Variants in HPSE2 observed in about 807,000 individuals in gnomAD.
The protein encoded by HPSE2 is inactive heparanase-2.
Under a neutral mutation model 60.5 loss-of-function variants are expected in HPSE2, and 38 were observed. The observed-to-expected ratio is 0.63, with a 90% CI of 0.48 to 0.82. The LOEUF is 0.82. Among genes scored for constraint, HPSE2 ranks in the 40% least tolerant of loss-of-function variants. The probability of loss-of-function intolerance (pLI) is 0.00; values close to 1 mark genes in which losing one functional copy is unlikely to be tolerated. For synonymous variants in HPSE2, 295 were observed against 293.2 expected, an observed-to-expected ratio of 1.01 and a Z score of -0.06; for missense variants, 713 against 740.4, an observed-to-expected ratio of 0.96 and a Z score of 0.43.
intron 3 of HPSE2, among the ~76,000 whole-genome samples, chr10:98,860,275 T>G (rs565755903): frequency 2.5e-4 from 38 of 152,358 alleles, no homozygotes; most frequent in Middle Eastern, 3.4e-3. Flanking sequence ...GTGGTTGTGC[T>G]GTGGTGTTAA....
chr10:98,737,127 A>G (rs2134304766), intron 4 of HPSE2, among the ~76,000 whole-genome samples: 1 of 152,192 alleles, frequency 6.6e-6, no homozygotes, highest in East Asian at 1.9e-4. Context: ...TTCTGAAAAT[A>G]CAGTTTTCTA....
At chr10:99,031,893 T>C (rs1192888950) in intron 3 of HPSE2, among the ~76,000 whole-genome samples, 2 of 152,142 alleles carry the variant, frequency 1.3e-5, no homozygotes, top group African/African-American at 4.8e-5. Context: ...ATATAGAAAA[T>C]ACCAGCCAAG....
At chr10:98,582,919 C>A (rs983013499) in intron 9 of HPSE2, among the ~76,000 whole-genome samples, 8 of 152,062 alleles carry the variant, frequency 5.3e-5, no homozygotes, top group African/African-American at 1.9e-4. Flanking sequence ...CCCCTGCCAC[C>A]CCCAACCGTT....
chr10:98,898,239 CTGA>C (rs1412883439), intron 3 of HPSE2, among the ~76,000 whole-genome samples: 7 of 152,140 alleles, frequency 4.6e-5, no homozygotes, highest in African/African-American at 1.7e-4. Context: ...ATTCACCCAA[CTGA>C]TTTGAATGTT....
At chr10:99,305,961 A>AAG in the HPSE2 span, among the ~76,000 whole-genome samples, 1 of 103,062 alleles carries the variant, frequency 9.7e-6, no homozygotes, top group Non-Finnish European at 1.9e-5. Context: ...ACTCACACAC[A>AAG]CGCGCGCGCG....
chr10:98,503,220 G>GAA (rs1564923801), intron 9 of HPSE2, among the ~76,000 whole-genome samples: 1 of 143,574 alleles, frequency 7.0e-6, no homozygotes, highest in East Asian at 2.0e-4. Context: ...CAGAAAAAAA[G>GAA]AAAAAGAAAA....
At chr10:99,235,382 A>C in intron 1 of HPSE2, 131 bp downstream of exon 1, 1 of 864,380 alleles carries the variant, frequency 1.2e-6, no homozygotes. Flanking sequence ...GGAGAAGGAA[A>C]ACCTCTTTTC....
intron 3 of HPSE2, among the ~76,000 whole-genome samples, chr10:98,883,362 C>T (rs1402258503): frequency 6.6e-6 from 1 of 152,088 alleles, no homozygotes; most frequent in African/African-American, 2.4e-5. Flanking sequence ...ACCTAAAATT[C>T]TTTCAGCCAA....
intron 4 of HPSE2, among the ~76,000 whole-genome samples, chr10:98,732,487 T>C (rs1949251746): frequency 6.6e-6 from 1 of 152,062 alleles, no homozygotes; most frequent in South Asian, 2.1e-4. Flanking sequence ...CTATGTATGG[T>C]CAATTGATTT....
chr10:98,870,811 A>G (rs1952711106), intron 3 of HPSE2, among the ~76,000 whole-genome samples: 1 of 152,014 alleles, frequency 6.6e-6, no homozygotes. Context: ...TGGAGCTAGG[A>G]CTTGGTAGGA....
At chr10:98,897,561 C>A (rs898081958) in intron 3 of HPSE2, among the ~76,000 whole-genome samples, 1 of 151,760 alleles carries the variant, frequency 6.6e-6, no homozygotes, top group African/African-American at 2.4e-5. Context: ...CAAATAAAGT[C>A]AACTGATCTT....
chr10:98,635,868 C>G (rs913332116), intron 7 of HPSE2, among the ~76,000 whole-genome samples: 2 of 151,084 alleles, frequency 1.3e-5, no homozygotes, highest in Non-Finnish European at 2.9e-5. Flanking sequence ...GGGATCTTGT[C>G]ATTTGAGGCA....
At chr10:99,247,793 G>A in the HPSE2 span, among the ~76,000 whole-genome samples, 1 of 152,182 alleles carries the variant, frequency 6.6e-6, no homozygotes, top group Non-Finnish European at 1.5e-5. Flanking sequence ...ATTGGACCAT[G>A]GGGGTGGATT....
intron 9 of HPSE2, among the ~76,000 whole-genome samples, chr10:98,507,245 G>A (rs1942232493): frequency 6.6e-6 from 1 of 152,072 alleles, no homozygotes; most frequent in East Asian, 1.9e-4. Context: ...GTGGAGTGGT[G>A]GATTCACAGG....
intron 2 of HPSE2, among the ~76,000 whole-genome samples, chr10:99,194,309 A>C (rs1848320387): frequency 6.6e-6 from 1 of 151,958 alleles, no homozygotes; most frequent in Admixed American, 6.6e-5. Flanking sequence ...ATAAATACCT[A>C]CATCAAAAAA....
At chr10:98,944,931 C>T (rs12264226) in intron 3 of HPSE2, among the ~76,000 whole-genome samples, 11,015 of 152,084 alleles carry the variant, frequency 0.072, 704 homozygotes, top group African/African-American at 0.16. Flanking sequence ...ACCGGGGAAA[C>T]CATTATGCCT....
chr10:98,520,831 C>T (rs2133772312), intron 9 of HPSE2, among the ~76,000 whole-genome samples: 2 of 152,228 alleles, frequency 1.3e-5, no homozygotes, highest in African/African-American at 4.8e-5. Context: ...TCAGAAATAA[C>T]ACCACACATC....
At chr10:99,179,231 ACCATT>A (rs998795706) in intron 2 of HPSE2, among the ~76,000 whole-genome samples, 54 of 152,348 alleles carry the variant, frequency 3.5e-4, no homozygotes, top group African/African-American at 1.3e-3. Context: ...GCCCTCTCTA[ACCATT>A]GCTATTCAAC....
chr10:98,922,929 T>C (rs907605719), intron 3 of HPSE2, among the ~76,000 whole-genome samples: 11 of 152,238 alleles, frequency 7.2e-5, no homozygotes, highest in Non-Finnish European at 1.5e-4. Flanking sequence ...GATAAGTTTA[T>C]ACATCACAAC....
Sources: gnomAD v4.1 joint callset for allele counts (sites outside exome capture counted in the v4.1 genomes callset) on GRCh38, gnomAD v4.1.1 for gene constraint, MANE v1.5 for transcripts, NCBI Gene and HGNC (gene_info 2026-07-23, HGNC 2026-07-21) for gene names.